Variants in SHANK2 observed in about 807,000 individuals in gnomAD.
SHANK2 encodes the protein SH3 and multiple ankyrin repeat domains 2.
A neutral mutation model predicts 133.7 loss-of-function variants in SHANK2; 43 were observed. The observed-to-expected ratio is 0.32, with a 90% confidence interval of 0.25 to 0.41. The LOEUF is 0.41. Ranked by LOEUF, SHANK2 falls within the 10% of genes least tolerant of loss-of-function variation. The pLI, the probability that SHANK2 is intolerant of heterozygous loss-of-function variation, is 1.00. For missense variants in SHANK2, 1,994 were observed against 2,235.8 expected (o/e 0.89, Z 2.18); for synonymous variants, 1,017 against 952.8 (o/e 1.07, Z -1.24).
Position 70,574,945 on chromosome 11 carries a change from A to T in SHANK2, c.2062-72014T>A, listed in dbSNP as rs192066772. ...CATGATACCCGGAGGCTGAGCAGAG[A>T]GGCCCCGCTATGAGTCCCATCTGTC... On this transcript the variant is annotated intron_variant, in intron 17 of 25. Coordinates refer to ENST00000601538, the MANE Select transcript of SHANK2 (RefSeq NM_012309.5). 3.5e-3 allele frequency among the ~76,000 whole-genome samples: 534 copies of T among 152,222 alleles called. 2 individuals carry two copies. The highest frequency in any genetic ancestry group is 0.012 in the African/African-American group (512 of 41,538).
chr11:70,797,163 C>T lies in SHANK2; in HGVS notation c.1777+1280G>A, dbSNP rs185288244. Among the ~76,000 whole-genome samples, 210 of 152,294 alleles carry T rather than the reference C, an allele frequency of 1.4e-3. 3 individuals carry two copies. Among genetic ancestry groups the T allele is most frequent in the African/African-American group, 4.8e-3 (200 of 41,560 alleles). On this transcript the variant is annotated intron_variant, in intron 14 of 25. Transcript: ENST00000601538. ...TGGCCAACAAATAAAGCCTGTGCTGCTTGAAGCTCACTTTTGCTTTTGGAT... is the reference window on the plus strand; with the variant it reads ...TGGCCAACAAATAAAGCCTGTGCTGTTTGAAGCTCACTTTTGCTTTTGGAT...
chr11:71,095,081 C>T (rs538668282), intron 6 of SHANK2, among the ~76,000 whole-genome samples: 1 of 152,238 alleles, frequency 6.6e-6, no homozygotes, highest in South Asian at 2.1e-4. Flanking sequence ...AAGGCAGACA[C>T]CCACCTTTCC....
At chr11:70,534,292 GA>G (rs1463250112) in intron 17 of SHANK2, among the ~76,000 whole-genome samples, 6 of 152,268 alleles carry the variant, frequency 3.9e-5, no homozygotes, top group South Asian at 2.1e-4. Context: ...GTAAAAGGGG[GA>G]AAAGCCCCTT....
At chr11:70,492,877 C>T (rs1555156294) in intron 21 of SHANK2, among the ~76,000 whole-genome samples, 1 of 136,658 alleles carries the variant, frequency 7.3e-6, no homozygotes, top group Non-Finnish European at 1.5e-5. Flanking sequence ...CTCACTGCAA[C>T]CTCCGCCTCC....
At chr11:70,554,845 T>C (rs1331583350) in intron 17 of SHANK2, among the ~76,000 whole-genome samples, 2 of 151,764 alleles carry the variant, frequency 1.3e-5, no homozygotes, top group African/African-American at 4.8e-5. Flanking sequence ...TTTTTTTTTT[T>C]TTTGAGAATG....
At chr11:71,208,147 C>T (rs1228752155) in intron 2 of SHANK2, among the ~76,000 whole-genome samples, 2 of 152,144 alleles carry the variant, frequency 1.3e-5, no homozygotes, top group South Asian at 2.1e-4. Context: ...GCACAGAAAG[C>T]CATGCAGTGG....
At chr11:71,073,388 C>T (rs1054931793) in intron 9 of SHANK2, among the ~76,000 whole-genome samples, 8 of 151,500 alleles carry the variant, frequency 5.3e-5, no homozygotes, top group African/African-American at 1.7e-4. Context: ...TGAACTCTGA[C>T]CTCAAGCAAT....
chr11:70,668,460 C>T (rs1314035290), intron 15 of SHANK2: 1 of 152,348 alleles, frequency 6.6e-6, no homozygotes, highest in Non-Finnish European at 1.5e-5. Flanking sequence ...GAAGACTCTC[C>T]CCTGGAGCCC....
At chr11:71,074,941 G>A (rs915540570) in intron 9 of SHANK2, among the ~76,000 whole-genome samples, 4 of 151,910 alleles carry the variant, frequency 2.6e-5, no homozygotes, top group African/African-American at 7.3e-5. Context: ...CACCATGCCC[G>A]GCTAATTTTT....
At chr11:71,085,997 G>A (rs1289770402) in intron 8 of SHANK2, among the ~76,000 whole-genome samples, 1 of 77,694 alleles carries the variant, frequency 1.3e-5, no homozygotes. Flanking sequence ...ATTATATTAT[G>A]TTATATATTA....
At chr11:71,133,700 G>A (rs577333718) in intron 3 of SHANK2, among the ~76,000 whole-genome samples, 1 of 152,188 alleles carries the variant, frequency 6.6e-6, no homozygotes, top group East Asian at 1.9e-4. Context: ...TGGACTCAAA[G>A]TTTTTGAATA....
At chr11:71,168,509 C>T (rs1385576121) in intron 2 of SHANK2, among the ~76,000 whole-genome samples, 5 of 152,012 alleles carry the variant, frequency 3.3e-5, no homozygotes, top group South Asian at 2.1e-4. Context: ...GCCGAGATCA[C>T]GCCACTGCAC....
chr11:70,863,342 G>T, intron 11 of SHANK2: 1 of 458,156 alleles, frequency 2.2e-6, no homozygotes, highest in Non-Finnish European at 4.4e-6. Context: ...CCAGATGCCG[G>T]CTCCCCGAAC....
intron 19 of SHANK2, 56 bp downstream of exon 19, chr11:70,502,150 G>A: frequency 1.3e-6 from 2 of 1,523,982 alleles, no homozygotes; most frequent in Non-Finnish European, 1.8e-6. Flanking sequence ...TTTGCAAAGG[G>A]CAGCTCAGGG....
chr11:71,105,075 C>G (rs1392020960), intron 6 of SHANK2, among the ~76,000 whole-genome samples: 1 of 152,164 alleles, frequency 6.6e-6, no homozygotes, highest in Admixed American at 6.5e-5. Flanking sequence ...CTGGAAGCAG[C>G]CCAGATGTCC....
At chr11:70,481,346 C>A (rs897865317) in intron 25 of SHANK2, among the ~76,000 whole-genome samples, 7 of 152,212 alleles carry the variant, frequency 4.6e-5, no homozygotes. Context: ...GACTCATTCA[C>A]GGCTAAAGTT....
At chr11:70,895,713 C>G (rs1483332379) in intron 11 of SHANK2, 1 of 152,400 alleles carries the variant, frequency 6.6e-6, no homozygotes, top group Non-Finnish European at 1.5e-5. Flanking sequence ...GATGCTACGG[C>G]ACCTTCCAAT....
chr11:70,689,254 C>G (rs569195451), intron 15 of SHANK2, among the ~76,000 whole-genome samples: 1 of 152,052 alleles, frequency 6.6e-6, no homozygotes, highest in African/African-American at 2.4e-5. Flanking sequence ...GGACATTTCC[C>G]AGAATACAGA....
At chr11:71,103,293 C>G (rs1262907773) in intron 6 of SHANK2, among the ~76,000 whole-genome samples, 2 of 152,204 alleles carry the variant, frequency 1.3e-5, no homozygotes, top group African/African-American at 4.8e-5. Context: ...TGCTGGAGCA[C>G]AGCAGGTCAC....
Sources: gnomAD v4.1 joint callset for allele counts (sites outside exome capture counted in the v4.1 genomes callset) on GRCh38, gnomAD v4.1.1 for gene constraint, MANE v1.5 for transcripts, NCBI Gene and HGNC (gene_info 2026-07-23, HGNC 2026-07-21) for gene names.